Variants in RIGI observed in about 807,000 individuals in gnomAD.
RIGI encodes RNA sensor RIG-I.
At chr9:32,518,395 A>AAAG in the RIGI span, among the ~76,000 whole-genome samples, 19 of 151,582 alleles carry the variant, frequency 1.3e-4, no homozygotes, top group Non-Finnish European at 2.2e-4. Context: ...AAAAAAAAAA[A>AAAG]AAGAAGAAGA....
At chr9:32,518,089 G>C in the RIGI span, among the ~76,000 whole-genome samples, 1 of 152,070 alleles carries the variant, frequency 6.6e-6, no homozygotes, top group Non-Finnish European at 1.5e-5. Flanking sequence ...TGTTACTAAG[G>C]ATAAGAATTC....
chr9:32,509,262 C>CT, the RIGI span, among the ~76,000 whole-genome samples: 1 of 152,204 alleles, frequency 6.6e-6, no homozygotes, highest in East Asian at 1.9e-4. Context: ...AACGGACAGA[C>CT]TGCCTCCTTA....
the RIGI span, among the ~76,000 whole-genome samples, chr9:32,522,131 A>G: frequency 0.61 from 92,351 of 151,928 alleles, 28,328 homozygotes; most frequent in Middle Eastern, 0.68. Context: ...CCAATATGAA[A>G]CACAGCAGGA....
the RIGI span, among the ~76,000 whole-genome samples, chr9:32,458,078 T>A: frequency 6.6e-6 from 1 of 152,164 alleles, no homozygotes; most frequent in African/African-American, 2.4e-5. Context: ...CCCAAACAGC[T>A]GAGCTGATGA....
chr9:32,468,886 T>C, the RIGI span, among the ~76,000 whole-genome samples: 1 of 152,206 alleles, frequency 6.6e-6, no homozygotes, highest in African/African-American at 2.4e-5. Context: ...GGCAATGCTA[T>C]CTGCTCACCA....
the RIGI span, among the ~76,000 whole-genome samples, chr9:32,519,996 T>C: frequency 6.6e-6 from 1 of 152,334 alleles, no homozygotes. Flanking sequence ...ATGATGAGGC[T>C]CTTTCAAAAT....
chr9:32,480,689 A>G, the RIGI span, among the ~76,000 whole-genome samples: 1 of 152,374 alleles, frequency 6.6e-6, no homozygotes, highest in African/African-American at 2.4e-5. Flanking sequence ...AACCTGCCTC[A>G]TAATTCCAAC....
the RIGI span, chr9:32,480,383 G>A: frequency 5.1e-6 from 8 of 1,559,098 alleles, no homozygotes; most frequent in African/African-American, 8.1e-5. Flanking sequence ...GTCTCAATAT[G>A]CTTCCAATGT....
chr9:32,521,289 A>C, the RIGI span, among the ~76,000 whole-genome samples: 5 of 152,270 alleles, frequency 3.3e-5, no homozygotes, highest in African/African-American at 1.2e-4. Flanking sequence ...TTTGAATAAA[A>C]TGTTTGTATA....
chr9:32,472,273 G>C, the RIGI span, among the ~76,000 whole-genome samples: 1 of 152,324 alleles, frequency 6.6e-6, no homozygotes, highest in African/African-American at 2.4e-5. Flanking sequence ...GAAAATTTGA[G>C]CAGGATGATA....
chr9:32,485,966 C>G, the RIGI span, among the ~76,000 whole-genome samples: 2 of 152,150 alleles, frequency 1.3e-5, no homozygotes, highest in Non-Finnish European at 2.9e-5. Flanking sequence ...CCACACAGCT[C>G]CCAGCAGTAT....
chr9:32,487,953 G>T, the RIGI span: 1 of 1,613,934 alleles, frequency 6.2e-7, no homozygotes, highest in Non-Finnish European at 8.5e-7. Flanking sequence ...ACCTGGGGCA[G>T]TGGGCCTGAA....
chr9:32,487,729 T>C, the RIGI span: 1 of 1,462,706 alleles, frequency 6.8e-7, no homozygotes, highest in Middle Eastern at 1.8e-4. Flanking sequence ...TAGGGCGTTT[T>C]TTTGTTTTTA....
chr9:32,460,645 G>A, the RIGI span, among the ~76,000 whole-genome samples: 1 of 152,088 alleles, frequency 6.6e-6, no homozygotes, highest in South Asian at 2.1e-4. Context: ...AGAACTGAAA[G>A]ATACAACCAA....
chr9:32,475,071 T>A, the RIGI span, among the ~76,000 whole-genome samples: 1 of 152,100 alleles, frequency 6.6e-6, no homozygotes, highest in African/African-American at 2.4e-5. Context: ...CCTGCCTCAG[T>A]CTCCCAAGTA....
the RIGI span, among the ~76,000 whole-genome samples, chr9:32,457,993 G>A: frequency 6.6e-6 from 1 of 152,170 alleles, no homozygotes; most frequent in East Asian, 1.9e-4. Flanking sequence ...GGAGCTGAAA[G>A]GACCTTTTAC....
At chr9:32,472,586 G>C in the RIGI span, among the ~76,000 whole-genome samples, 1 of 152,194 alleles carries the variant, frequency 6.6e-6, no homozygotes, top group Admixed American at 6.5e-5. Flanking sequence ...AGACGGCTTA[G>C]GCCTTCTCCA....
At chr9:32,514,064 G>A in the RIGI span, among the ~76,000 whole-genome samples, 2 of 152,150 alleles carry the variant, frequency 1.3e-5, no homozygotes, top group African/African-American at 2.4e-5. Context: ...TCATTAAAAA[G>A]TCAGGAAACA....
the RIGI span, among the ~76,000 whole-genome samples, chr9:32,497,834 G>T: frequency 2.0e-5 from 3 of 152,052 alleles, no homozygotes; most frequent in Non-Finnish European, 4.4e-5. Flanking sequence ...TTTCCAATTT[G>T]GATACCTTGT....
Sources: allele counts gnomAD v4.1 joint callset (sites outside exome capture counted in the v4.1 genomes callset), GRCh38; gene constraint gnomAD v4.1.1; transcripts MANE v1.5; gene names NCBI Gene and HGNC (gene_info 2026-07-23, HGNC 2026-07-21).